MGAT4A: variants seen among roughly 807,000 people sequenced by gnomAD.
The protein encoded by MGAT4A is N-acetylglucosaminyltransferase IVa.
A neutral mutation model predicts 74.1 loss-of-function variants in MGAT4A; 33 were observed. The observed-to-expected ratio is 0.45, with a 90% CI of 0.34 to 0.60. The LOEUF is 0.60. Ranked by LOEUF, MGAT4A falls within the 20% of genes least tolerant of loss-of-function variation. The probability of loss-of-function intolerance (pLI) is 0.02; values close to 1 mark genes in which losing one functional copy is unlikely to be tolerated. For missense variants in MGAT4A, 479 were observed against 628.3 expected, an observed-to-expected ratio of 0.76 and a Z score of 2.54; for synonymous variants, 198 against 210.4, an observed-to-expected ratio of 0.94 and a Z score of 0.51.
intron 14 of MGAT4A, among the ~76,000 whole-genome samples, chr2:98,627,730 G>A (rs1472347050): frequency 6.6e-6 from 1 of 152,100 alleles, no homozygotes; most frequent in Admixed American, 6.5e-5. Context: ...TTCTCATTTG[G>A]GAAAATTTCA....
At chr2:98,713,218 T>A (rs1393029170) in intron 2 of MGAT4A, among the ~76,000 whole-genome samples, 5 of 146,588 alleles carry the variant, frequency 3.4e-5, no homozygotes, top group Non-Finnish European at 6.0e-5. Context: ...AAGCCGTTTA[T>A]CTTTAGGTTT....
At position 98,621,754 on chromosome 2, in the gene MGAT4A, G is replaced by A. The variant is rs1287411374; in HGVS notation, c.*3812C>T. 11 of 1,201,958 alleles carry A rather than the reference G, an allele frequency of 9.2e-6. No homozygotes were observed. Among genetic ancestry groups the A allele is most frequent in the Non-Finnish European group, 1.1e-5 (11 of 967,772 alleles). The allele number at this position is 1,201,958 out of a possible 1,614,324, so 74.5% of individuals were successfully genotyped here. On this transcript the variant is annotated 3_prime_UTR_variant, in exon 16 of 16. Coordinates refer to ENST00000393487, the MANE Select transcript of MGAT4A (RefSeq NM_012214.3). ...TCCACATAACCAGTCTTTTCTTTGA[G>A]GGACAGCACTGTTGGGAGACAACCT...
chr2:98,646,370 T>C (rs1575248563), intron 8 of MGAT4A, among the ~76,000 whole-genome samples: 1 of 152,148 alleles, frequency 6.6e-6, no homozygotes, highest in East Asian at 1.9e-4. Context: ...AGATCTGGGA[T>C]AGGAAATGCG....
In MGAT4A at chr2:98,621,338, AG is replaced by A; in HGVS notation, c.*4227del. On this transcript the variant is annotated 3_prime_UTR_variant, in exon 16 of 16. Coordinates refer to ENST00000393487, the MANE Select transcript of MGAT4A (RefSeq NM_012214.3). ...GGCTGAATTCAGTTCCCGTGGCTGTAGGACTGCAGTTCCCAGCTCCTTTGCT... is the reference window on the plus strand; with the variant it reads ...GGCTGAATTCAGTTCCCGTGGCTGTAGACTGCAGTTCCCAGCTCCTTTGCT... The A allele has an allele frequency of 6.7e-7, 1 of 1,494,768 alleles. No individual in the cohort carries two copies. The highest frequency in any genetic ancestry group is 1.9e-4 in the Middle Eastern group (1 of 5,230). 92.6% of individuals were successfully genotyped at this position (1,494,768 alleles called of 1,614,324 possible). A position where few individuals can be genotyped will look rare whatever the true frequency, so the allele number is the denominator to read the frequency against.
intron 4 of MGAT4A, chr2:98,663,413 A>C: frequency 6.7e-7 from 1 of 1,502,290 alleles, no homozygotes; most frequent in Non-Finnish European, 8.8e-7. Flanking sequence ...GAAAGACATT[A>C]AACTTCACAC....
intron 6 of MGAT4A, among the ~76,000 whole-genome samples, chr2:98,657,280 A>C (rs1403997227): frequency 6.6e-6 from 1 of 152,176 alleles, no homozygotes; most frequent in Admixed American, 6.5e-5. Flanking sequence ...TTAATGTTTA[A>C]CTGTACTTTT....
intron 2 of MGAT4A, among the ~76,000 whole-genome samples, chr2:98,681,076 G>A (rs915524601): frequency 4.6e-5 from 7 of 152,238 alleles, no homozygotes; most frequent in South Asian, 2.1e-4. Context: ...TCCGCCTCCC[G>A]GGTTCACACC....
chr2:98,668,445 TG>T (rs1389281841), intron 4 of MGAT4A, among the ~76,000 whole-genome samples: 1 of 152,208 alleles, frequency 6.6e-6, no homozygotes, highest in Non-Finnish European at 1.5e-5. Context: ...AAGTCAATAA[TG>T]GGGAACCTCC....
chr2:98,678,147 GTGAACCC>G (rs1239441777), intron 3 of MGAT4A, among the ~76,000 whole-genome samples, 150 bp downstream of exon 3: 1 of 150,332 alleles, frequency 6.7e-6, no homozygotes, highest in Non-Finnish European at 1.5e-5. Context: ...GAAGAATGGT[GTGAACCC>G]TGGAGGTGGA....
chr2:98,687,701 T>C (rs1489560282), intron 2 of MGAT4A, among the ~76,000 whole-genome samples: 1 of 152,234 alleles, frequency 6.6e-6, no homozygotes, highest in Non-Finnish European at 1.5e-5. Context: ...GTCTCCTTTT[T>C]CTTTGTTTCA....
chr2:98,727,512 G>A (rs1702783893), intron 1 of MGAT4A, among the ~76,000 whole-genome samples: 1 of 152,210 alleles, frequency 6.6e-6, no homozygotes, highest in Non-Finnish European at 1.5e-5. Context: ...TGCATGGTCA[G>A]TCTCAATCCC....
At chr2:98,685,408 T>C (rs913375284) in intron 2 of MGAT4A, among the ~76,000 whole-genome samples, 1 of 152,094 alleles carries the variant, frequency 6.6e-6, no homozygotes, top group Non-Finnish European at 1.5e-5. Flanking sequence ...CTTTGAAAAA[T>C]GTTTTATTTC....
At chr2:98,720,538 C>T (rs4851149) in intron 2 of MGAT4A, among the ~76,000 whole-genome samples, 1,840 of 152,246 alleles carry the variant, frequency 0.012, 17 homozygotes, top group Middle Eastern at 0.031. Context: ...AGCTTGCAGG[C>T]GGCAGATTCT....
intron 2 of MGAT4A, among the ~76,000 whole-genome samples, chr2:98,688,367 CCTT>C (rs1702154235): frequency 6.6e-6 from 1 of 152,168 alleles, no homozygotes; most frequent in Non-Finnish European, 1.5e-5. Context: ...TGACCCTCGT[CCTT>C]CTGGTATTCA....
intron 10 of MGAT4A, 108 bp from the exon 11 acceptor site, chr2:98,640,336 G>A (rs912157173): frequency 3.3e-5 from 30 of 902,918 alleles, no homozygotes; most frequent in African/African-American, 8.4e-5. Context: ...AGGGCTGGGC[G>A]CGGTGGGTCA....
In MGAT4A at chr2:98,622,699, C is replaced by T. The variant is rs1575236135; in HGVS notation, c.*2867G>A. 4.1e-6 allele frequency: 4 copies of T among 985,556 alleles called. No individual in the cohort carries two copies. Among genetic ancestry groups the T allele is most frequent in the Non-Finnish European group, 2.4e-6 (2 of 830,190 alleles). 61.1% of individuals were successfully genotyped at this position (985,556 alleles called of 1,614,324 possible). ...ACAGTGAGAGGCCCTGAGCACCCAC[C>T]ATAGGAGAGGACAGATGAGCAGTAT... On this transcript the variant is annotated 3_prime_UTR_variant, in exon 16 of 16. Transcript: ENST00000393487.
At chr2:98,695,032 C>CTTTTTTT (rs551595704) in intron 2 of MGAT4A, 1 of 93,364 alleles carries the variant, frequency 1.1e-5, no homozygotes, top group Non-Finnish European at 2.1e-5. Flanking sequence ...GCTAAAATGG[C>CTTTTTTT]TTTTTTTTTT....
chr2:98,675,657 C>A (rs1575263334), intron 3 of MGAT4A, among the ~76,000 whole-genome samples: 1 of 152,032 alleles, frequency 6.6e-6, no homozygotes, highest in East Asian at 1.9e-4. Context: ...AGAGATCCTC[C>A]CCACCTCAGC....
At chr2:98,678,072 A>G (rs1044767311) in intron 3 of MGAT4A, among the ~76,000 whole-genome samples, 9 of 150,598 alleles carry the variant, frequency 6.0e-5, no homozygotes, top group African/African-American at 2.2e-4. Flanking sequence ...TACTAATAAT[A>G]CAAAAAAATT....
Sources: allele counts gnomAD v4.1 joint callset (sites outside exome capture counted in the v4.1 genomes callset), GRCh38; gene constraint gnomAD v4.1.1; transcripts MANE v1.5; gene names NCBI Gene and HGNC (gene_info 2026-07-23, HGNC 2026-07-21).